KIF6: variants seen among roughly 807,000 people sequenced by gnomAD.
The protein encoded by KIF6 is kinesin-like protein KIF6.
A neutral mutation model predicts 112.7 loss-of-function variants in KIF6; 106 were observed. The ratio of observed to expected loss-of-function variants is 0.94; its 90% CI spans 0.80 to 1.11. The LOEUF (loss-of-function observed/expected upper bound fraction) is 1.11. KIF6 is among the 50% of genes least tolerant of loss of function. The pLI, the probability that KIF6 is intolerant of heterozygous loss-of-function variation, is 0.00. For synonymous variants in KIF6, 339 were observed against 339.9 expected, an observed-to-expected ratio of 1.00 and a Z score of 0.03; for missense variants, 929 against 964.0, an observed-to-expected ratio of 0.96 and a Z score of 0.48.
At chr6:39,471,259 G>A (rs551979423) in intron 13 of KIF6, among the ~76,000 whole-genome samples, 3 of 152,154 alleles carry the variant, frequency 2.0e-5, no homozygotes, top group South Asian at 2.1e-4. Context: ...AACTCAGTAC[G>A]GCTGCATTTG....
chr6:39,355,260 A>G (rs1764554902), intron 19 of KIF6, among the ~76,000 whole-genome samples: 2 of 152,092 alleles, frequency 1.3e-5, no homozygotes, highest in South Asian at 4.1e-4. Flanking sequence ...TGTTTTATAT[A>G]TATACACATA....
intron 3 of KIF6, among the ~76,000 whole-genome samples, chr6:39,697,899 A>T (rs1310927981): frequency 6.6e-6 from 1 of 152,182 alleles, no homozygotes; most frequent in African/African-American, 2.4e-5. Context: ...CATATTAAGG[A>T]TAAAACAGAT....
chr6:39,397,523 C>T (rs764659943), intron 15 of KIF6, among the ~76,000 whole-genome samples: 2 of 149,056 alleles, frequency 1.3e-5, no homozygotes, highest in African/African-American at 2.5e-5. Flanking sequence ...TCAGGAAGAA[C>T]ATCGTTTCCC....
At chr6:39,563,481 C>A (rs185932935) in intron 10 of KIF6, among the ~76,000 whole-genome samples, 1 of 152,100 alleles carries the variant, frequency 6.6e-6, no homozygotes, top group East Asian at 1.9e-4. Context: ...TATGTAGATA[C>A]ATGTATATAT....
At chr6:39,337,172 C>CTTCTTTCTTTCTTTCTTTCTTTCTTT (rs1763017170) in intron 22 of KIF6, among the ~76,000 whole-genome samples, 1 of 59,504 alleles carries the variant, frequency 1.7e-5, no homozygotes, top group Non-Finnish European at 2.9e-5. Context: ...TCTTTCCTTC[C>CTTCTTTCTTTCTTTCTTTCTTTCTTT]TTCTTTCTTT....
chr6:39,469,130 T>A (rs1176876992), intron 13 of KIF6, among the ~76,000 whole-genome samples: 2 of 152,094 alleles, frequency 1.3e-5, no homozygotes, highest in Non-Finnish European at 2.9e-5. Context: ...AGAGCTGAGA[T>A]GTATATTTTA....
intron 9 of KIF6, among the ~76,000 whole-genome samples, chr6:39,584,192 T>C (rs1351488579): frequency 1.3e-5 from 2 of 150,810 alleles, no homozygotes; most frequent in African/African-American, 4.9e-5. Flanking sequence ...GAGGCCAAGG[T>C]GGGTGGACTG....
intron 9 of KIF6, among the ~76,000 whole-genome samples, chr6:39,582,568 C>T (rs777081336): frequency 8.5e-5 from 13 of 152,054 alleles, no homozygotes; most frequent in East Asian, 3.9e-4. Flanking sequence ...TGTACCTCCA[C>T]GCCCGGCTAA....
At chr6:39,420,755 A>G (rs1389259313) in intron 14 of KIF6, among the ~76,000 whole-genome samples, 9 of 152,220 alleles carry the variant, frequency 5.9e-5, no homozygotes, top group Non-Finnish European at 1.0e-4. Context: ...GCCAGTTTTT[A>G]TAGGGTTGGG....
At chr6:39,370,630 T>C (rs1765902270) in intron 16 of KIF6, among the ~76,000 whole-genome samples, 1 of 152,178 alleles carries the variant, frequency 6.6e-6, no homozygotes, top group African/African-American at 2.4e-5. Flanking sequence ...CACATCAGCA[T>C]TTGAAAAGGG....
At position 39,642,226 on chromosome 6, in the gene KIF6, T is replaced by C. The variant is rs143655588; in HGVS notation, c.252-2469A>G. 1.1e-3 allele frequency among the ~76,000 whole-genome samples: 173 copies of C among 152,208 alleles called. 1 individual carries two copies. The Middle Eastern group carries it at 0.014, about 12-fold the overall frequency. ...AGAACAATAATACCAGTGGCAAAAATTGTCAAAATCAACTTTTTCAGAACT... is the reference window on the plus strand; with the variant it reads ...AGAACAATAATACCAGTGGCAAAAACTGTCAAAATCAACTTTTTCAGAACT... On this transcript the variant is annotated intron_variant, in intron 3 of 22. Transcript: ENST00000287152.
intron 3 of KIF6, among the ~76,000 whole-genome samples, chr6:39,651,027 C>T (rs1156719778): frequency 1.3e-5 from 2 of 151,992 alleles, no homozygotes; most frequent in Non-Finnish European, 2.9e-5. Context: ...AGCATGTGCA[C>T]ATATTCACCT....
At chr6:39,707,128 C>T (rs912190903) in intron 3 of KIF6, among the ~76,000 whole-genome samples, 1 of 152,186 alleles carries the variant, frequency 6.6e-6, no homozygotes, top group African/African-American at 2.4e-5. Flanking sequence ...GCCGTTTTCT[C>T]ACATGTGTAG....
intron 3 of KIF6, among the ~76,000 whole-genome samples, chr6:39,658,286 G>A (rs558957218): frequency 1.3e-5 from 2 of 152,226 alleles, no homozygotes; most frequent in Non-Finnish European, 1.5e-5. Context: ...CAGAAGGAGA[G>A]TTGGAACTGA....
chr6:39,714,424 T>C, intron 3 of KIF6, among the ~76,000 whole-genome samples: 1 of 152,198 alleles, frequency 6.6e-6, no homozygotes, highest in African/African-American at 2.4e-5. Flanking sequence ...TTAATTTCTG[T>C]GACCCTCAGT....
At chr6:39,518,640 G>A (rs775056812) in intron 13 of KIF6, among the ~76,000 whole-genome samples, 9 of 152,202 alleles carry the variant, frequency 5.9e-5, no homozygotes, top group Admixed American at 2.0e-4. Context: ...AAGATGTCAT[G>A]TATATATTCA....
intron 3 of KIF6, among the ~76,000 whole-genome samples, chr6:39,654,302 C>G (rs1419801683): frequency 6.6e-6 from 1 of 152,126 alleles, no homozygotes; most frequent in African/African-American, 2.4e-5. Context: ...GCCTCCACCC[C>G]CACAAACAGA....
At position 39,613,288 on chromosome 6, in the gene KIF6, C is replaced by G; in HGVS notation, c.540G>C (p.Gln180His). 1 of 1,606,138 alleles carries G rather than the reference C, an allele frequency of 6.2e-7. No homozygotes were observed. The change falls in exon 6 of 23, where the codon CAG becomes CAC. Residue 180 changes from glutamine to histidine, a missense_variant. This residue lies in a region of KIF6 where 688 missense variants were observed against 662.7 expected (regional missense o/e 1.04). Transcript: ENST00000287152. ...PKVTILEDPDQNIHLKNLTLH... is the reference protein window; with the variant it reads ...PKVTILEDPDHNIHLKNLTLH... ...GAGTCAAGTTTTTCAGGTGAATGTT[C>G]TGATCAGGATCCTCCAGTATTGTCA...
intron 22 of KIF6, among the ~76,000 whole-genome samples, chr6:39,338,378 A>C (rs1224440877): frequency 1.3e-5 from 2 of 152,238 alleles, no homozygotes; most frequent in Non-Finnish European, 2.9e-5. Context: ...GAGATTGGAA[A>C]TAATTCACGG....
Sources: gnomAD v4.1 joint callset for allele counts (sites outside exome capture counted in the v4.1 genomes callset) on GRCh38, gnomAD v4.1.1 for gene constraint, gnomAD v4.1.1 regional missense constraint, MANE v1.5 for transcripts, NCBI Gene and HGNC (gene_info 2026-07-23, HGNC 2026-07-21) for gene names.